DPP10: variants seen among roughly 807,000 people sequenced by gnomAD.
DPP10 encodes the protein dipeptidyl peptidase like 10, also known as inactive dipeptidyl peptidase 10.
Under a neutral mutation model 120.9 loss-of-function variants are expected in DPP10, and 33 were observed. That is an observed-to-expected ratio of 0.27 (90% CI 0.21 to 0.37). The LOEUF (loss-of-function observed/expected upper bound fraction) is 0.37. Among genes scored for constraint, DPP10 ranks in the 10% least tolerant of loss-of-function variants. DPP10 has a pLI of 1.00. For missense variants in DPP10, 816 were observed against 942.8 expected (o/e 0.87, Z 1.76); for synonymous variants, 337 against 326.1 (o/e 1.03, Z -0.36).
chr2:115,735,684 ATT>A (rs70941095), intron 8 of DPP10, among the ~76,000 whole-genome samples: 6,926 of 62,386 alleles, frequency 0.11, 307 homozygotes, highest in African/African-American at 0.16. Context: ...CGCCCAGCTA[ATT>A]TTTTTTTTTT....
Position 115,640,501 on chromosome 2 carries a change from A to G in DPP10, c.442-49186A>G, listed in dbSNP as rs567722171. On this transcript the variant is annotated intron_variant, in intron 5 of 25. Coordinates refer to ENST00000410059, the MANE Select transcript of DPP10 (RefSeq NM_020868.6). ...AAAACGACATCTTGATCTCGTTTAT[A>G]TGGAATTAATTTTACAGTTAATAAG... Among the ~76,000 whole-genome samples the G allele has an allele frequency of 3.3e-5, 5 of 152,180 alleles. No homozygotes were observed. In the South Asian group the frequency reaches 6.2e-4, roughly 19 times the overall value.
intron 1 of DPP10, among the ~76,000 whole-genome samples, chr2:114,746,731 T>C (rs1468966461): frequency 6.6e-6 from 1 of 152,208 alleles, no homozygotes; most frequent in Non-Finnish European, 1.5e-5. Flanking sequence ...GATTGTTGTT[T>C]AGAACTCTGA....
Position 115,660,117 on chromosome 2 carries a change from G to T in DPP10, c.442-29570G>T, listed in dbSNP as rs114473106. 3.2e-3 allele frequency among the ~76,000 whole-genome samples: 480 copies of T among 152,240 alleles called. 1 individual carries two copies. The highest frequency in any genetic ancestry group is 0.011 in the African/African-American group (451 of 41,548). On this transcript the variant is annotated intron_variant, in intron 5 of 25. Coordinates refer to ENST00000410059, the MANE Select transcript of DPP10 (RefSeq NM_020868.6). ...ATTTTTCATGTGTTATTTTCCATTT[G>T]TAACTGGCAACTACTTAGGATTATT... is the stretch of plus-strand genomic sequence containing the variant.
At chr2:115,162,055 C>T (rs1011280604) in intron 1 of DPP10, 6 of 1,433,220 alleles carry the variant, frequency 4.2e-6, no homozygotes, top group East Asian at 5.9e-5. Context: ...GCGGCCAGGC[C>T]CTCCCGGGAG....
At chr2:115,777,181 A>G (rs777972709) in intron 13 of DPP10, 27 bp from the exon 14 acceptor site, 3 of 1,604,316 alleles carry the variant, frequency 1.9e-6, no homozygotes, top group Non-Finnish European at 2.6e-6. Context: ...AATGAAAGGA[A>G]AATCAATATT....
intron 3 of DPP10, among the ~76,000 whole-genome samples, chr2:115,423,302 C>G (rs1223658731): frequency 6.6e-6 from 1 of 152,054 alleles, no homozygotes; most frequent in Non-Finnish European, 1.5e-5. Flanking sequence ...CTGAAGTACT[C>G]AAAGCCAAAT....
chr2:114,495,926 C>A (rs73946172), intron 1 of DPP10, among the ~76,000 whole-genome samples: 2,321 of 152,320 alleles, frequency 0.015, 57 homozygotes, highest in African/African-American at 0.053. Context: ...TCTCTTTTCA[C>A]AACCTTGCTA....
chr2:114,528,792 A>G (rs1685720405), intron 1 of DPP10, among the ~76,000 whole-genome samples: 1 of 151,950 alleles, frequency 6.6e-6, no homozygotes, highest in Non-Finnish European at 1.5e-5. Context: ...TGCACCAGGC[A>G]GAATCTGAGG....
intron 1 of DPP10, among the ~76,000 whole-genome samples, chr2:114,917,267 G>A (rs1280913758): frequency 6.6e-6 from 1 of 152,082 alleles, no homozygotes; most frequent in East Asian, 1.9e-4. Flanking sequence ...AACCAAGGAA[G>A]GGAAAAATCT....
intron 1 of DPP10, among the ~76,000 whole-genome samples, chr2:115,146,607 C>T (rs1261315410): frequency 6.6e-6 from 1 of 150,910 alleles, no homozygotes; most frequent in Non-Finnish European, 1.5e-5. Context: ...AAAACAACCT[C>T]GAGTCTTTCA....
chr2:115,642,226 G>A (rs970548092), intron 5 of DPP10, among the ~76,000 whole-genome samples: 2 of 151,754 alleles, frequency 1.3e-5, no homozygotes, highest in Admixed American at 6.6e-5. Context: ...GGTTAATTCC[G>A]TGTGTCAGTT....
intron 1 of DPP10, among the ~76,000 whole-genome samples, chr2:114,699,570 C>A (rs1369397342): frequency 6.6e-6 from 1 of 152,118 alleles, no homozygotes; most frequent in East Asian, 1.9e-4. Context: ...AGGAAAGAAA[C>A]CTTAGCAGTC....
At chr2:114,532,122 C>T (rs1260750802) in intron 1 of DPP10, among the ~76,000 whole-genome samples, 2 of 151,364 alleles carry the variant, frequency 1.3e-5, no homozygotes, top group Admixed American at 6.6e-5. Context: ...GCCATCATTT[C>T]TCTCAATTCT....
rs2076631845 is a variant in DPP10, at chr2:115,500,539, T to C, written c.366+935T>C. ...AATGGACTAAGAATATTCTGTTTAG[T>C]ATTTTTACATATTAAGGAGAAAAGG... On this transcript the variant is annotated intron_variant, in intron 4 of 25. Transcript: ENST00000410059. Among the ~76,000 whole-genome samples, 3 of 151,994 alleles carry C rather than the reference T, an allele frequency of 2.0e-5. No individual in the cohort carries two copies. The South Asian group carries it at 6.2e-4, about 31-fold the overall frequency.
At chr2:114,567,966 A>G (rs1441032280) in intron 1 of DPP10, among the ~76,000 whole-genome samples, 3 of 151,508 alleles carry the variant, frequency 2.0e-5, no homozygotes, top group Admixed American at 6.6e-5. Flanking sequence ...ACTATGACAG[A>G]TGCTTACCTA....
chr2:115,271,623 C>G (rs1311485459), intron 1 of DPP10, among the ~76,000 whole-genome samples: 1 of 151,900 alleles, frequency 6.6e-6, no homozygotes, highest in Non-Finnish European at 1.5e-5. Context: ...TTCAGCTGAA[C>G]TAGAATTTCA....
At chr2:114,872,288 G>A (rs772308432) in intron 1 of DPP10, among the ~76,000 whole-genome samples, 1 of 152,034 alleles carries the variant, frequency 6.6e-6, no homozygotes, top group Admixed American at 6.6e-5. Context: ...CTCAGCGGAG[G>A]GGGAGAAAAA....
chr2:114,965,193 A>C (rs556903718), intron 1 of DPP10, among the ~76,000 whole-genome samples: 8 of 152,074 alleles, frequency 5.3e-5, no homozygotes, highest in African/African-American at 1.9e-4. Context: ...GCTGTAGTAC[A>C]ATGCATGATC....
chr2:114,741,971 G>A (rs1480195776), intron 1 of DPP10, among the ~76,000 whole-genome samples: 1 of 152,014 alleles, frequency 6.6e-6, no homozygotes, highest in African/African-American at 2.4e-5. Context: ...TTCCAGCAGG[G>A]GATTTACCTA....
Sources: gnomAD v4.1 joint callset for allele counts (sites outside exome capture counted in the v4.1 genomes callset) on GRCh38, gnomAD v4.1.1 for gene constraint, MANE v1.5 for transcripts, NCBI Gene and HGNC (gene_info 2026-07-23, HGNC 2026-07-21) for gene names.